Variants in CHODL observed in about 807,000 individuals in gnomAD.
CHODL encodes the protein chondrolectin.
A neutral mutation model predicts 34.5 loss-of-function variants in CHODL; 29 were observed. The ratio of observed to expected loss-of-function variants is 0.84; its 90% CI spans 0.63 to 1.15. The LOEUF (loss-of-function observed/expected upper bound fraction) is 1.15, where lower values mean the gene tolerates loss of function less well. Ranked by LOEUF, CHODL falls within the 50% of genes most tolerant of loss-of-function variation. The pLI, the probability that CHODL is intolerant of heterozygous loss-of-function variation, is 0.00. For synonymous variants in CHODL, 125 were observed against 116.1 expected (o/e 1.08, Z -0.49); for missense variants, 332 against 332.5 (o/e 1.00, Z 0.01).
intron 1 of CHODL, among the ~76,000 whole-genome samples, chr21:17,977,918 CAAA>C (rs57837589): frequency 2.9e-5 from 2 of 69,014 alleles, no homozygotes; most frequent in Non-Finnish European, 5.1e-5. Context: ...ACTCCCATCT[CAAA>C]AAAAAAAAAA....
intron 2 of CHODL, among the ~76,000 whole-genome samples, chr21:18,178,289 G>A (rs1354963838): frequency 1.3e-5 from 2 of 152,102 alleles, no homozygotes; most frequent in African/African-American, 4.8e-5. Flanking sequence ...GGTGACAGTG[G>A]TAACTACAGG....
chr21:18,029,740 C>T (rs1419760528), intron 2 of CHODL, among the ~76,000 whole-genome samples: 2 of 152,060 alleles, frequency 1.3e-5, no homozygotes. Context: ...AGCTAGGGCT[C>T]AGGTAAGTGA....
intron 3 of CHODL, among the ~76,000 whole-genome samples, chr21:18,257,505 G>A (rs1439759546): frequency 6.6e-6 from 1 of 152,188 alleles, no homozygotes; most frequent in Non-Finnish European, 1.5e-5. Context: ...ACTTACACAT[G>A]TGAGCAGCAC....
At chr21:18,228,447 A>C (rs1293355337) in intron 2 of CHODL, among the ~76,000 whole-genome samples, 1 of 152,170 alleles carries the variant, frequency 6.6e-6, no homozygotes, top group African/African-American at 2.4e-5. Context: ...CATGGGATGC[A>C]TCGTTAGTTT....
chr21:17,924,675 T>C (rs1282910601), intron 1 of CHODL, among the ~76,000 whole-genome samples: 1 of 152,262 alleles, frequency 6.6e-6, no homozygotes, highest in Non-Finnish European at 1.5e-5. Context: ...TTTTATTATC[T>C]GAAATCTCTA....
chr21:17,959,037 A>G (rs1441745889), intron 1 of CHODL, among the ~76,000 whole-genome samples: 1 of 152,056 alleles, frequency 6.6e-6, no homozygotes, highest in Non-Finnish European at 1.5e-5. Context: ...AGTTCCTTCT[A>G]TGTTAAGGAT....
At position 18,014,598 on chromosome 21, in the gene CHODL, A is replaced by C. The variant is rs570082144; in HGVS notation, c.-144-13274A>C. On this transcript the variant is annotated intron_variant, in intron 1 of 6. Transcript: ENST00000400127. Reference sequence around the variant, plus strand: ...TTTGGGTCATCAGGGTGGATCCTTCATGGCTTGGTGCTGTCCTTGCAATAG... The same window carrying C: ...TTTGGGTCATCAGGGTGGATCCTTCCTGGCTTGGTGCTGTCCTTGCAATAG... 3.3e-5 allele frequency among the ~76,000 whole-genome samples: 5 copies of C among 152,304 alleles called. No homozygotes were observed. The South Asian group carries it at 1.0e-3, about 32-fold the overall frequency.
At chr21:18,091,306 A>T (rs184587508) in intron 2 of CHODL, among the ~76,000 whole-genome samples, 83 of 152,330 alleles carry the variant, frequency 5.4e-4, no homozygotes, top group Non-Finnish European at 1.0e-3. Context: ...TGCAATGACT[A>T]GGCAACTCAG....
chr21:18,065,431 G>A (rs1600957457), intron 2 of CHODL, among the ~76,000 whole-genome samples: 1 of 152,296 alleles, frequency 6.6e-6, no homozygotes, highest in Middle Eastern at 3.4e-3. Context: ...TTAACGGAAT[G>A]CACATAGTTC....
At chr21:18,031,862 C>T (rs1652102665) in intron 2 of CHODL, among the ~76,000 whole-genome samples, 1 of 152,078 alleles carries the variant, frequency 6.6e-6, no homozygotes, top group African/African-American at 2.4e-5. Context: ...GTTCAAATTA[C>T]CTTTGAGAAA....
intron 1 of CHODL, among the ~76,000 whole-genome samples, chr21:17,948,023 C>T (rs1274959858): frequency 6.6e-6 from 1 of 152,074 alleles, no homozygotes; most frequent in Non-Finnish European, 1.5e-5. Flanking sequence ...AAACTGGAAG[C>T]CATTATTTAC....
intron 1 of CHODL, among the ~76,000 whole-genome samples, chr21:17,943,367 G>C (rs9305832): frequency 0.43 from 65,989 of 152,000 alleles, 14,698 homozygotes; most frequent in East Asian, 0.61. Flanking sequence ...TTTTGGACTT[G>C]CCTAAAAAGT....
At chr21:18,023,102 G>A (rs1338283697) in intron 1 of CHODL, among the ~76,000 whole-genome samples, 1 of 152,196 alleles carries the variant, frequency 6.6e-6, no homozygotes, top group Non-Finnish European at 1.5e-5. Flanking sequence ...GTCTGTCTAA[G>A]AACACTTAAA....
intron 2 of CHODL, among the ~76,000 whole-genome samples, chr21:18,079,309 T>C (rs922807429): frequency 2.6e-5 from 4 of 151,158 alleles, no homozygotes; most frequent in African/African-American, 9.7e-5. Flanking sequence ...GATTTTATTT[T>C]TCTTATGCCA....
chr21:18,122,645 A>G (rs556713740), intron 2 of CHODL, among the ~76,000 whole-genome samples: 1 of 152,324 alleles, frequency 6.6e-6, no homozygotes, highest in African/African-American at 2.4e-5. Flanking sequence ...AATAGAACAC[A>G]TTTGAAAATA....
chr21:17,974,359 G>A (rs1476239314), intron 1 of CHODL, among the ~76,000 whole-genome samples: 3 of 151,976 alleles, frequency 2.0e-5, no homozygotes, highest in Non-Finnish European at 2.9e-5. Flanking sequence ...TGCAACCTCC[G>A]CCTCCTGGGT....
chr21:17,968,622 C>A (rs952519144), intron 1 of CHODL, among the ~76,000 whole-genome samples: 3 of 152,042 alleles, frequency 2.0e-5, no homozygotes, highest in Non-Finnish European at 2.9e-5. Flanking sequence ...AAATTCATGC[C>A]TTGTTAGTCT....
intron 2 of CHODL, among the ~76,000 whole-genome samples, chr21:18,079,755 C>T (rs1016856045): frequency 5.9e-5 from 5 of 85,256 alleles, no homozygotes; most frequent in Admixed American, 1.2e-4. Flanking sequence ...AATACCTACT[C>T]GTGTATGCTT....
chr21:18,139,489 A>G (rs1344023131), intron 2 of CHODL, among the ~76,000 whole-genome samples: 4 of 152,144 alleles, frequency 2.6e-5, no homozygotes, highest in African/African-American at 9.7e-5. Context: ...TCATGGCCCA[A>G]GTAAAGTGGG....
Sources: allele counts gnomAD v4.1 joint callset (sites outside exome capture counted in the v4.1 genomes callset), GRCh38; gene constraint gnomAD v4.1.1; transcripts MANE v1.5; gene names NCBI Gene and HGNC (gene_info 2026-07-23, HGNC 2026-07-21).